TSPAN15: variants seen among roughly 807,000 people sequenced by gnomAD.
TSPAN15 encodes tetraspanin-15.
TSPAN15 carries 20 observed loss-of-function variants against 34.5 expected under a neutral mutation model. The observed-to-expected ratio is 0.58, with a 90% CI of 0.41 to 0.84. The LOEUF (loss-of-function observed/expected upper bound fraction) is 0.84, where lower values mean the gene tolerates loss of function less well. TSPAN15 is among the 40% of genes least tolerant of loss of function. The probability of loss-of-function intolerance (pLI) is 0.00; values close to 1 mark genes in which losing one functional copy is unlikely to be tolerated. For synonymous variants in TSPAN15, 155 were observed against 153.9 expected, an observed-to-expected ratio of 1.01 and a Z score of -0.05; for missense variants, 313 against 386.1, an observed-to-expected ratio of 0.81 and a Z score of 1.59.
intron 1 of TSPAN15, among the ~76,000 whole-genome samples, chr10:69,452,956 C>A (rs889945925): frequency 6.6e-6 from 1 of 152,214 alleles, no homozygotes; most frequent in Non-Finnish European, 1.5e-5. Flanking sequence ...GTGGGTGGGG[C>A]CTTGCCTGGT....
At chr10:69,536,470 G>T in the TSPAN15 span, among the ~76,000 whole-genome samples, 2 of 152,190 alleles carry the variant, frequency 1.3e-5, no homozygotes, top group Non-Finnish European at 2.9e-5. Flanking sequence ...GGTACAGTGG[G>T]TGTATTCGTC....
intron 5 of TSPAN15, among the ~76,000 whole-genome samples, chr10:69,500,434 T>C (rs1276829277): frequency 6.6e-6 from 1 of 152,124 alleles, no homozygotes; most frequent in Admixed American, 6.5e-5. Context: ...GAGGGATTGA[T>C]TGATGATAAG....
intron 5 of TSPAN15, among the ~76,000 whole-genome samples, chr10:69,500,748 A>G (rs1338336894): frequency 6.6e-6 from 1 of 152,200 alleles, no homozygotes; most frequent in Non-Finnish European, 1.5e-5. Flanking sequence ...CATTAGCCTC[A>G]TGCAGAAACA....
the TSPAN15 span, among the ~76,000 whole-genome samples, chr10:69,528,943 G>A: frequency 0.059 from 8,715 of 148,000 alleles, 1,005 homozygotes; most frequent in Non-Finnish European, 0.085. Context: ...TCCCACTCCA[G>A]TCCGTGGGAC....
chr10:69,512,147 G>C (rs1842421311), downstream of TSPAN15, among the ~76,000 whole-genome samples: 1 of 152,288 alleles, frequency 6.6e-6, no homozygotes, highest in South Asian at 2.1e-4. Flanking sequence ...TCCTGTGGTT[G>C]AGGACTCCCT....
At position 69,459,223 on chromosome 10, in the gene TSPAN15, C is replaced by T. The variant is rs147586172; in HGVS notation, c.96+7533C>T. On this transcript the variant is annotated intron_variant, in intron 1 of 7. Transcript: ENST00000373290. ...GCAGGAGCATTCAGTCTTAACCAGCCGTGCTCTCTGGTTGGTTGGTTTGTT... is the reference window on the plus strand; with the variant it reads ...GCAGGAGCATTCAGTCTTAACCAGCTGTGCTCTCTGGTTGGTTGGTTTGTT... Among the ~76,000 whole-genome samples, 649 of 151,876 alleles carry T rather than the reference C, an allele frequency of 4.3e-3. 4 individuals carry two copies. Among genetic ancestry groups the T allele is most frequent in the Middle Eastern group, 0.014 (4 of 290 alleles).
chr10:69,509,940 A>G (rs1031332790), downstream of TSPAN15, among the ~76,000 whole-genome samples: 5 of 152,016 alleles, frequency 3.3e-5, no homozygotes, highest in East Asian at 1.9e-4. Context: ...TGGTCTATAT[A>G]TCTGTTTTGG....
At chr10:69,505,567 CTTTT>C (rs202092249) in intron 6 of TSPAN15, among the ~76,000 whole-genome samples, 1 of 143,316 alleles carries the variant, frequency 7.0e-6, no homozygotes, top group Admixed American at 7.0e-5. Flanking sequence ...TGCAGAAATG[CTTTT>C]TTTTTTTTTT....
chr10:69,503,774 A>G (rs1842261014), intron 5 of TSPAN15, among the ~76,000 whole-genome samples: 1 of 152,198 alleles, frequency 6.6e-6, no homozygotes, highest in Non-Finnish European at 1.5e-5. Context: ...TGCGGGGCAC[A>G]GGTGGTGATG....
the TSPAN15 span, among the ~76,000 whole-genome samples, chr10:69,537,368 T>C: frequency 6.6e-6 from 1 of 152,180 alleles, no homozygotes; most frequent in Non-Finnish European, 1.5e-5. Flanking sequence ...ATCGTAAAGT[T>C]GAAAAATCAT....
chr10:69,514,057 C>T, the TSPAN15 span, among the ~76,000 whole-genome samples: 8 of 152,184 alleles, frequency 5.3e-5, no homozygotes, highest in African/African-American at 1.9e-4. Flanking sequence ...ATTCTTTATC[C>T]AGGTTGACTA....
intron 3 of TSPAN15, among the ~76,000 whole-genome samples, chr10:69,492,206 C>G (rs1057327915): frequency 1.3e-5 from 2 of 152,096 alleles, no homozygotes; most frequent in Non-Finnish European, 2.9e-5. Flanking sequence ...CTGGGAATGG[C>G]AGAGGAAGCT....
At chr10:69,532,798 T>G in the TSPAN15 span, among the ~76,000 whole-genome samples, 2 of 152,076 alleles carry the variant, frequency 1.3e-5, no homozygotes, top group Admixed American at 6.5e-5. Context: ...AGGACTAATA[T>G]CCAGAATCTA....
rs1487848557 is a variant in TSPAN15, at chr10:69,498,222, C to T, written c.454-58C>T. The T allele has an allele frequency of 9.9e-6, 15 of 1,516,938 alleles. No individual in the cohort carries two copies. The East Asian group carries it at 1.8e-4, about 18-fold the overall frequency. The allele number at this position is 1,516,938 out of a possible 1,614,324, so 94.0% of individuals were successfully genotyped here. A position where few individuals can be genotyped will look rare whatever the true frequency, so the allele number is the denominator to read the frequency against. ...GTCTCCTGACAGGGCCCCTTCCTGT[C>T]GTCTGAGCAGGGCCTGGGCGATGAC... On this transcript the variant is annotated intron_variant, in intron 4 of 7. Coordinates refer to ENST00000373290, the MANE Select transcript of TSPAN15 (RefSeq NM_012339.5).
chr10:69,542,854 C>G, the TSPAN15 span, among the ~76,000 whole-genome samples: 1 of 152,198 alleles, frequency 6.6e-6, no homozygotes, highest in Admixed American at 6.5e-5. Context: ...CAAGCCATAT[C>G]GAGCAGTAAA....
At chr10:69,464,636 G>A (rs1294687190) in intron 1 of TSPAN15, among the ~76,000 whole-genome samples, 3 of 152,210 alleles carry the variant, frequency 2.0e-5, no homozygotes, top group Non-Finnish European at 4.4e-5. Flanking sequence ...TTCCCTGACA[G>A]CTTCAGAACA....
chr10:69,476,006 G>A (rs1407148360), intron 1 of TSPAN15, among the ~76,000 whole-genome samples: 1 of 152,024 alleles, frequency 6.6e-6, no homozygotes, highest in Non-Finnish European at 1.5e-5. Flanking sequence ...TTAGGAGCAG[G>A]AAGACCTGCT....
At chr10:69,467,481 G>A (rs1841409352) in intron 1 of TSPAN15, among the ~76,000 whole-genome samples, 1 of 152,124 alleles carries the variant, frequency 6.6e-6, no homozygotes, top group Non-Finnish European at 1.5e-5. Context: ...AGGTGTGGTG[G>A]CATGTGCCTG....
At chr10:69,483,161 T>C (rs923805792) in intron 1 of TSPAN15, among the ~76,000 whole-genome samples, 2 of 152,178 alleles carry the variant, frequency 1.3e-5, no homozygotes, top group East Asian at 3.9e-4. Flanking sequence ...GCTGCTTTTT[T>C]GTATTTTTAG....
Sources: gnomAD v4.1 joint callset for allele counts (sites outside exome capture counted in the v4.1 genomes callset) on GRCh38, gnomAD v4.1.1 for gene constraint, MANE v1.5 for transcripts, NCBI Gene and HGNC (gene_info 2026-07-23, HGNC 2026-07-21) for gene names.